The following MAD1L1 variants were observed in gnomAD, a reference collection of about 807,000 sequenced individuals.
The protein encoded by MAD1L1 is mitotic arrest deficient 1 like 1.
MAD1L1 carries 95 observed loss-of-function variants against 96.9 expected under a neutral mutation model. The observed-to-expected ratio is 0.98, with a 90% CI of 0.83 to 1.16. The LOEUF (loss-of-function observed/expected upper bound fraction) is 1.16, where lower values mean the gene tolerates loss of function less well. MAD1L1 is among the 50% of genes most tolerant of loss of function. MAD1L1 has a pLI of 0.00. For synonymous variants in MAD1L1, 473 were observed against 396.6 expected (o/e 1.19, Z -2.29); for missense variants, 1,007 against 954.4 (o/e 1.06, Z -0.73).
At chr7:2,081,056 G>C (rs1328484284) in intron 11 of MAD1L1, among the ~76,000 whole-genome samples, 1 of 152,216 alleles carries the variant, frequency 6.6e-6, no homozygotes, top group Non-Finnish European at 1.5e-5. Context: ...CCTGAGCCCA[G>C]GAAGAGAGAG....
chr7:1,919,760 T>A (rs1222192893), intron 17 of MAD1L1, among the ~76,000 whole-genome samples: 1 of 152,384 alleles, frequency 6.6e-6, no homozygotes, highest in African/African-American at 2.4e-5. Context: ...GGTGCAGAGC[T>A]GGGACCATGG....
At chr7:2,059,399 G>A (rs776369635) in intron 12 of MAD1L1, among the ~76,000 whole-genome samples, 2 of 147,066 alleles carry the variant, frequency 1.4e-5, no homozygotes, top group African/African-American at 2.5e-5. Flanking sequence ...CAGGGCTGGA[G>A]AGGGAATGTG....
chr7:2,179,114 G>A (rs1295197919), intron 10 of MAD1L1, among the ~76,000 whole-genome samples: 1 of 152,124 alleles, frequency 6.6e-6, no homozygotes, highest in African/African-American at 2.4e-5. Context: ...CTAACCAAAG[G>A]CTTACAGCAA....
chr7:2,138,652 G>C (rs1205024777), intron 11 of MAD1L1, among the ~76,000 whole-genome samples: 1 of 152,158 alleles, frequency 6.6e-6, no homozygotes, highest in African/African-American at 2.4e-5. Context: ...CTCACTCTGA[G>C]AACCCCAGGC....
intron 11 of MAD1L1, among the ~76,000 whole-genome samples, chr7:2,133,650 G>A (rs908618327): frequency 6.6e-6 from 1 of 152,190 alleles, no homozygotes; most frequent in Non-Finnish European, 1.5e-5. Context: ...TATTTCCGCC[G>A]CTATCTTCTA....
chr7:1,900,852 C>T (rs1213488201), intron 17 of MAD1L1, among the ~76,000 whole-genome samples: 1 of 152,168 alleles, frequency 6.6e-6, no homozygotes, highest in Admixed American at 6.5e-5. Flanking sequence ...CTGGAAGTTC[C>T]GGGGCTCCAG....
At chr7:1,830,183 G>A (rs1193026785) in intron 18 of MAD1L1, among the ~76,000 whole-genome samples, 1 of 152,218 alleles carries the variant, frequency 6.6e-6, no homozygotes, top group Non-Finnish European at 1.5e-5. Flanking sequence ...GATCACCTGA[G>A]GTCAGGAGTT....
intron 10 of MAD1L1, among the ~76,000 whole-genome samples, chr7:2,191,583 T>C (rs771272675): frequency 5.9e-5 from 9 of 151,272 alleles, no homozygotes; most frequent in Non-Finnish European, 1.0e-4. Flanking sequence ...ATACAAAAAT[T>C]AGCTGGGCGT....
rs1189985548 is a variant in MAD1L1, at chr7:2,196,743, G to A, written c.986+16469C>T. Among the ~76,000 whole-genome samples, 10 of 152,322 alleles carry A rather than the reference G, an allele frequency of 6.6e-5. No homozygotes were observed. The East Asian group carries it at 1.4e-3, about 21-fold the overall frequency. ...ACAGGGAGAGTCTGGCCTTCAACAC[G>A]AACCCTCTTCAGAAGTCAGAAGGCC... On this transcript the variant is annotated intron_variant, in intron 10 of 18. Coordinates refer to ENST00000265854, the MANE Select transcript of MAD1L1 (RefSeq NM_001013836.2).
chr7:2,216,330 C>A (rs141220306), intron 7 of MAD1L1, 43 bp from the exon 8 acceptor site: 3 of 1,594,914 alleles, frequency 1.9e-6, no homozygotes, highest in African/African-American at 2.7e-5. Context: ...AAATGAGCCA[C>A]GAAGAGACCT....
chr7:1,840,268 C>A (rs534300991), intron 18 of MAD1L1, among the ~76,000 whole-genome samples: 28 of 152,348 alleles, frequency 1.8e-4, no homozygotes, highest in Non-Finnish European at 3.4e-4. Flanking sequence ...TCTCCCCAAC[C>A]CAGCCAGACA....
intron 9 of MAD1L1, among the ~76,000 whole-genome samples, chr7:2,214,997 A>C (rs1474165143): frequency 6.6e-6 from 1 of 152,080 alleles, no homozygotes. Context: ...TTTGGGAGGC[A>C]AAGGCGGGAG....
Position 2,090,054 on chromosome 7 carries a change from T to A in MAD1L1, c.1074-20716A>T, listed in dbSNP as rs536971108. On this transcript the variant is annotated intron_variant, in intron 11 of 18. Coordinates refer to ENST00000265854, the MANE Select transcript of MAD1L1 (RefSeq NM_001013836.2). Reference sequence around the variant, plus strand: ...AGGAAGAGTGACAGGAAACGGCAGGTTCCCTTGTCAGGAATGGCATGGTCG... The same window carrying A: ...AGGAAGAGTGACAGGAAACGGCAGGATCCCTTGTCAGGAATGGCATGGTCG... Among the ~76,000 whole-genome samples the A allele has an allele frequency of 9.8e-5, 15 of 152,288 alleles. No individual in the cohort carries two copies. In the South Asian group the frequency reaches 3.1e-3, roughly 32 times the overall value.
intron 11 of MAD1L1, among the ~76,000 whole-genome samples, chr7:2,144,834 C>T (rs533284210): frequency 5.9e-5 from 9 of 152,252 alleles, no homozygotes; most frequent in South Asian, 4.2e-4. Context: ...AGAGCCGAAA[C>T]GAGGCTTGAG....
intron 18 of MAD1L1, among the ~76,000 whole-genome samples, chr7:1,818,941 C>T (rs1781978975): frequency 1.3e-5 from 2 of 152,104 alleles, no homozygotes; most frequent in African/African-American, 4.8e-5. Flanking sequence ...GCAGACCCAG[C>T]GTTTGCAAAA....
intron 3 of MAD1L1, 102 bp from the exon 4 acceptor site, chr7:2,225,652 G>T: frequency 7.7e-7 from 1 of 1,290,938 alleles, no homozygotes. Flanking sequence ...ACCCATTCCC[G>T]CAGGTCCCGT....
At chr7:2,191,826 T>C (rs550619517) in intron 10 of MAD1L1, among the ~76,000 whole-genome samples, 1 of 151,642 alleles carries the variant, frequency 6.6e-6, no homozygotes, top group Non-Finnish European at 1.5e-5. Context: ...AGGTCAGGAG[T>C]TCGAGATCAG....
At chr7:2,140,588 A>G (rs1256578227) in intron 11 of MAD1L1, among the ~76,000 whole-genome samples, 3 of 152,248 alleles carry the variant, frequency 2.0e-5, no homozygotes, top group Non-Finnish European at 2.9e-5. Flanking sequence ...CTCCAAAACA[A>G]GAGCCATGGA....
At chr7:1,817,602 G>A (rs1781885257) in intron 18 of MAD1L1, 1 of 152,236 alleles carries the variant, frequency 6.6e-6, no homozygotes, top group South Asian at 2.1e-4. Flanking sequence ...CAGGGCTCAG[G>A]GCCAGTGGAA....
Sources: gnomAD v4.1 joint callset for allele counts (sites outside exome capture counted in the v4.1 genomes callset) on GRCh38, gnomAD v4.1.1 for gene constraint, MANE v1.5 for transcripts, NCBI Gene and HGNC (gene_info 2026-07-23, HGNC 2026-07-21) for gene names.